LSS: variants seen among roughly 807,000 people sequenced by gnomAD.
The protein encoded by LSS is 2,3-epoxysqualene-lanosterol cyclase.
In LSS, 90 loss-of-function variants were observed where a neutral mutation model predicts 110.3. The ratio of observed to expected loss-of-function variants is 0.82; its 90% confidence interval spans 0.69 to 0.97. The LOEUF (loss-of-function observed/expected upper bound fraction) is 0.97. LSS is among the 50% of genes least tolerant of loss of function. LSS has a pLI of 0.00. For missense variants in LSS, 927 were observed against 990.0 expected (o/e 0.94, Z 0.85); for synonymous variants, 433 against 400.0 (o/e 1.08, Z -0.98).
chr21:46,197,912 A>G (rs937789311), intron 17 of LSS, among the ~76,000 whole-genome samples: 14 of 152,016 alleles, frequency 9.2e-5, no homozygotes, highest in Non-Finnish European at 1.9e-4. Flanking sequence ...AACAAAAAAC[A>G]ACTGAGAAAC....
chr21:46,217,525 C>T (rs920320474), intron 6 of LSS, among the ~76,000 whole-genome samples: 5 of 152,222 alleles, frequency 3.3e-5, no homozygotes, highest in African/African-American at 9.7e-5. Flanking sequence ...CCCACTTTCA[C>T]ACCCACTTAC....
rs535354717 is a variant in LSS, at chr21:46,209,194, C to T, written c.1266+360G>A. Among the ~76,000 whole-genome samples, 510 of 152,248 alleles carry T rather than the reference C, an allele frequency of 3.3e-3. No individual in the cohort carries two copies. The highest frequency in any genetic ancestry group is 0.012 in the South Asian group (58 of 4,826). ...GCAAGTCCACAGGCTGGCGTCACCT[C>T]CATGGGCAGAAGGTGCTTCAGAGAC... On this transcript the variant is annotated intron_variant, in intron 13 of 21. Transcript: ENST00000397728. The surrounding 1 kb of genome is among the most constrained non-coding windows in gnomAD (Gnocchi z 4.4).
At chr21:46,199,539 T>C (rs1473320027) in intron 17 of LSS, among the ~76,000 whole-genome samples, 2 of 152,228 alleles carry the variant, frequency 1.3e-5, no homozygotes, top group Non-Finnish European at 1.5e-5. Flanking sequence ...TGAAAACTTA[T>C]GTGCACGCTA....
At chr21:46,223,881 GAAA>G (rs1555902992) in intron 3 of LSS, among the ~76,000 whole-genome samples, 2 of 152,102 alleles carry the variant, frequency 1.3e-5, no homozygotes, top group South Asian at 2.1e-4. Context: ...TAGCGGTAGC[GAAA>G]AGTGTCAAGG....
chr21:46,219,054 G>T (rs750305867), intron 6 of LSS, among the ~76,000 whole-genome samples: 62 of 152,108 alleles, frequency 4.1e-4, no homozygotes, highest in Non-Finnish European at 7.1e-4. Flanking sequence ...AGGCACACAC[G>T]CTGAGTCCAC....
At chr21:46,199,919 C>G (rs1309640534) in intron 17 of LSS, among the ~76,000 whole-genome samples, 4 of 152,150 alleles carry the variant, frequency 2.6e-5, no homozygotes, top group African/African-American at 7.2e-5. Flanking sequence ...GAAGAGGAAG[C>G]TGAATGTAAA....
At chr21:46,215,889 C>T in intron 7 of LSS, 96 bp from the exon 8 acceptor site, 1 of 785,662 alleles carries the variant, frequency 1.3e-6, no homozygotes, top group Non-Finnish European at 2.0e-6. Context: ...GCCCTCAGGG[C>T]CCTGGGCCAG....
rs1487847742 is a variant in LSS, at chr21:46,189,363, C to A, written c.*1741G>T. 2 of 287,384 alleles carry A rather than the reference C, an allele frequency of 7.0e-6. No homozygotes were observed. The highest frequency in any genetic ancestry group is 2.3e-5 in the African/African-American group (1 of 44,186). The allele number at this position is 287,384 out of a possible 1,614,324, so 17.8% of individuals were successfully genotyped here. On this transcript the variant is annotated 3_prime_UTR_variant, in exon 22 of 22. Coordinates refer to ENST00000397728, the MANE Select transcript of LSS (RefSeq NM_002340.6). Reference sequence around the variant, plus strand: ...GAACACGTGGGCTGAGAAAAAAAAACAGCATGTGCAAACCTGACAGATGTC... The same window carrying A: ...GAACACGTGGGCTGAGAAAAAAAAAAAGCATGTGCAAACCTGACAGATGTC...
chr21:46,194,340 T>C, intron 20 of LSS, 151 bp downstream of exon 20: 1 of 909,420 alleles, frequency 1.1e-6, no homozygotes, highest in South Asian at 1.7e-5. Flanking sequence ...GGCATGTGGC[T>C]CTTGTAGGTG....
At chr21:46,196,431 C>T in intron 17 of LSS, 164 bp from the exon 18 acceptor site, 1 of 616,646 alleles carries the variant, frequency 1.6e-6, no homozygotes, top group Non-Finnish European at 2.9e-6. Context: ...AAAGAAGCAA[C>T]CACAGGACAC....
In LSS at chr21:46,219,281, T is replaced by C. The variant is rs574717883; in HGVS notation, c.647+195A>G. Among the ~76,000 whole-genome samples the C allele has an allele frequency of 1.4e-4, 22 of 152,260 alleles. 1 individual carries two copies. Among genetic ancestry groups the C allele is most frequent in the Admixed American group, 5.2e-4 (8 of 15,296 alleles). On this transcript the variant is annotated intron_variant, in intron 6 of 21. Transcript: ENST00000397728. ...ATGGCACAGCCTTCTTCCTGCTCAA[T>C]TGGGAACCTCCCCCTTTCTGTACCC...
chr21:46,215,263 G>A lies in LSS; in HGVS notation c.928C>T (p.His310Tyr), dbSNP rs765955090. The A allele has an allele frequency of 1.2e-6, 2 of 1,610,584 alleles. No homozygotes were observed. The highest frequency in any genetic ancestry group is 2.2e-5 in the East Asian group (1 of 44,878). ...LNLYEHHHSA[H>Y]LRQRAVQKLY... ...TTCTGCACGGCCCGCTGCCGCAGGT[G>A]GGCACTGTGGTGGTGCTCATACAGG... is the stretch of plus-strand genomic sequence containing the variant. The change falls in exon 9 of 22, where the codon CAC becomes TAC. Residue 310 changes from histidine (H) to tyrosine (Y), a missense_variant. Coordinates refer to ENST00000397728, the MANE Select transcript of LSS (RefSeq NM_002340.6).
intron 9 of LSS, among the ~76,000 whole-genome samples, chr21:46,214,251 T>G (rs944159724): frequency 6.6e-6 from 1 of 152,242 alleles, no homozygotes; most frequent in African/African-American, 2.4e-5. Context: ...GCCCCCCTTC[T>G]TCCTCAGAAC....
rs2079785871 is a variant in LSS, at chr21:46,190,046, C to T, written c.*1058G>A. 7 of 269,892 alleles carry T rather than the reference C, an allele frequency of 2.6e-5. No individual in the cohort carries two copies. The highest frequency in any genetic ancestry group is 2.3e-4 in the South Asian group (7 of 30,886). The allele number at this position is 269,892 out of a possible 1,614,324, so 16.7% of individuals were successfully genotyped here. A position where few individuals can be genotyped will look rare whatever the true frequency, so the allele number is the denominator to read the frequency against. ...GGCCCTCGCTCCAGCCCAGAGCACC[C>T]ACCTGGGCATGAGACTGGCGGCAGC... On this transcript the variant is annotated 3_prime_UTR_variant, in exon 22 of 22. Transcript: ENST00000397728. This position sits in a 1 kb window ranked among gnomAD's most constrained non-coding sequence, Gnocchi z 4.6.
chr21:46,209,432 A>G lies in LSS; in HGVS notation c.1266+122T>C, dbSNP rs954142842. 4.7e-6 allele frequency: 4 copies of G among 857,396 alleles called. No individual in the cohort carries two copies. The African/African-American group carries it at 6.8e-5, about 15-fold the overall frequency. The allele number at this position is 857,396 out of a possible 1,614,324, so 53.1% of individuals were successfully genotyped here. A position where few individuals can be genotyped will look rare whatever the true frequency, so the allele number is the denominator to read the frequency against. On this transcript the variant is annotated intron_variant, in intron 13 of 21. Coordinates refer to ENST00000397728, the MANE Select transcript of LSS (RefSeq NM_002340.6). The surrounding 1 kb of genome is among the most constrained non-coding windows in gnomAD (Gnocchi z 4.4). ...GGGAGGGGATGGGAGGGTGGGGGTG[A>G]CCTGAAACACCAGTGCAGGAAATAG...
In LSS at chr21:46,194,431, C is replaced by T. The variant is rs963784488; in HGVS notation, c.1988+60G>A. 6.3e-6 allele frequency: 10 copies of T among 1,593,920 alleles called. No homozygotes were observed. The African/African-American group carries it at 8.1e-5, about 13-fold the overall frequency. ...TCACTCAGCCCAGGCCACCGGCTCA[C>T]AGCTGAGTGTCCCTCCTCTACCCAA... On this transcript the variant is annotated intron_variant, in intron 20 of 21. Coordinates refer to ENST00000397728, the MANE Select transcript of LSS (RefSeq NM_002340.6).
Position 46,191,001 on chromosome 21 carries a change from G to T in LSS, c.*103C>A. On this transcript the variant is annotated 3_prime_UTR_variant, in exon 22 of 22. Transcript: ENST00000397728. ...TCACATCTATGAGATAGAGGTTGAG[G>T]GGTTGGAGCCCAAGACAGGGTTATG... The T allele has an allele frequency of 7.3e-7, 1 of 1,375,776 alleles. No individual in the cohort carries two copies. Among genetic ancestry groups the T allele is most frequent in the Non-Finnish European group, 1.0e-6 (1 of 994,750 alleles). The allele number at this position is 1,375,776 out of a possible 1,614,324, so 85.2% of individuals were successfully genotyped here. A position where few individuals can be genotyped will look rare whatever the true frequency, so the allele number is the denominator to read the frequency against.
intron 18 of LSS, 85 bp from the exon 19 acceptor site, chr21:46,195,841 C>T (rs938392533): frequency 7.1e-6 from 8 of 1,121,726 alleles, no homozygotes; most frequent in African/African-American, 3.1e-5. Flanking sequence ...AACAATCACA[C>T]GTGCCCCAGC....
Position 46,195,659 on chromosome 21 carries a change from G to T in LSS, c.1817+17C>A, listed in dbSNP as rs375252345. ...GGTTGAGAACCCCCACCCACCAGAG[G>T]ACAGGCACTCACTCACCCATCTCGG... On this transcript the variant is annotated intron_variant, in intron 19 of 21. Coordinates refer to ENST00000397728, the MANE Select transcript of LSS (RefSeq NM_002340.6). The T allele has an allele frequency of 4.0e-5, 65 of 1,611,318 alleles. No individual in the cohort carries two copies. In the African/African-American group the frequency reaches 8.4e-4, roughly 21 times the overall value.
Sources: gnomAD v4.1 joint callset for allele counts (sites outside exome capture counted in the v4.1 genomes callset) on GRCh38, gnomAD v4.1.1 for gene constraint, Gnocchi (gnomAD v3.1) non-coding constraint, MANE v1.5 for transcripts, NCBI Gene and HGNC (gene_info 2026-07-23, HGNC 2026-07-21) for gene names.